PLA2G4A: variants seen among roughly 807,000 people sequenced by gnomAD.
PLA2G4A encodes cytosolic phospholipase A2.
PLA2G4A carries 40 observed loss-of-function variants against 81.9 expected under a neutral mutation model. The observed-to-expected ratio is 0.49, with a 90% CI of 0.38 to 0.64. PLA2G4A has a LOEUF of 0.64. Ranked by LOEUF, PLA2G4A falls within the 30% of genes least tolerant of loss-of-function variation. PLA2G4A has a pLI of 0.00. For synonymous variants in PLA2G4A, 302 were observed against 296.9 expected, an observed-to-expected ratio of 1.02 and a Z score of -0.18; for missense variants, 715 against 905.1, an observed-to-expected ratio of 0.79 and a Z score of 2.69.
intron 5 of PLA2G4A, among the ~76,000 whole-genome samples, chr1:186,906,397 A>G (rs1388614608): frequency 6.6e-6 from 1 of 152,228 alleles, no homozygotes; most frequent in African/African-American, 2.4e-5. Context: ...AATAAAAACC[A>G]GAGGCTCCAG....
intron 8 of PLA2G4A, among the ~76,000 whole-genome samples, chr1:186,933,184 AATAGAAGTGGAACAAC>A (rs1473219918): frequency 6.6e-6 from 1 of 152,144 alleles, no homozygotes; most frequent in East Asian, 1.9e-4. Flanking sequence ...TCTAGATAAA[AATAGAAGTGGAACAAC>A]ATACTCCACC....
Position 186,965,405 on chromosome 1 carries a change from T to C in PLA2G4A, c.1580-4T>C. ...CATTCTTGTTTTTCTTTTATGTTTT[T>C]AAGATCCTGATGAATTTGAGCGAAT... On this transcript the variant is annotated splice_region_variant and splice_polypyrimidine_tract_variant and intron_variant, in intron 14 of 17. Coordinates refer to ENST00000367466, the MANE Select transcript of PLA2G4A (RefSeq NM_024420.3). 6.3e-7 allele frequency: 1 copy of C among 1,577,998 alleles called. No individual in the cohort carries two copies. Among genetic ancestry groups the C allele is most frequent in the Non-Finnish European group, 8.7e-7 (1 of 1,147,172 alleles).
chr1:186,950,982 T>C (rs10489409), intron 13 of PLA2G4A, among the ~76,000 whole-genome samples: 16,294 of 152,218 alleles, frequency 0.11, 990 homozygotes, highest in Middle Eastern at 0.19. Context: ...AGATCCAAGA[T>C]GGTAGAAATG....
chr1:186,925,280 G>A (rs998070210), intron 7 of PLA2G4A, among the ~76,000 whole-genome samples: 2 of 152,086 alleles, frequency 1.3e-5, no homozygotes, highest in Non-Finnish European at 2.9e-5. Flanking sequence ...GTATAGAGAG[G>A]ACTTACATAT....
At chr1:186,954,096 G>A (rs1314918323) in intron 13 of PLA2G4A, among the ~76,000 whole-genome samples, 3 of 152,184 alleles carry the variant, frequency 2.0e-5, no homozygotes, top group Non-Finnish European at 4.4e-5. Flanking sequence ...AAATACCTGT[G>A]AAGATAAGGA....
At chr1:186,934,537 G>T in intron 8 of PLA2G4A, among the ~76,000 whole-genome samples, 1 of 146,176 alleles carries the variant, frequency 6.8e-6, no homozygotes, top group African/African-American at 2.5e-5. Context: ...TTAATTAAAA[G>T]GATTTTAAAT....
intron 3 of PLA2G4A, among the ~76,000 whole-genome samples, chr1:186,871,347 G>A (rs539678301): frequency 1.3e-5 from 2 of 152,268 alleles, no homozygotes; most frequent in Non-Finnish European, 1.5e-5. Flanking sequence ...AAAGTATTAT[G>A]ATGATGAATT....
At chr1:186,893,873 G>A (rs1654237000) in intron 4 of PLA2G4A, among the ~76,000 whole-genome samples, 1 of 145,482 alleles carries the variant, frequency 6.9e-6, no homozygotes, top group Admixed American at 7.1e-5. Context: ...GCAGTGAGCC[G>A]AGATCCCGCC....
At chr1:186,935,706 A>G (rs1655921561) in intron 8 of PLA2G4A, among the ~76,000 whole-genome samples, 5 of 151,934 alleles carry the variant, frequency 3.3e-5, no homozygotes, top group Admixed American at 3.3e-4. Context: ...GAGAAGGTAA[A>G]AAGTTCAAAG....
At chr1:186,888,846 T>A (rs1417799315) in intron 3 of PLA2G4A, among the ~76,000 whole-genome samples, 1 of 17,662 alleles carries the variant, frequency 5.7e-5, no homozygotes, top group Non-Finnish European at 8.9e-5. Flanking sequence ...TCTTGGAAAA[T>A]GGTTAAAAAA....
In PLA2G4A at chr1:186,950,722, C is replaced by T. The variant is rs1656528910; in HGVS notation, c.1330C>T (p.Pro444Ser). The part of the protein sequence containing the change: ...SSDSDDESHE[P>S]KGTENEDAGS... ...GGACAGTGATGATGAATCACACGAA[C>T]CCAAAGGTGAGTGAGCCGGAAACTT... The change falls in exon 13 of 18, where the codon CCC (proline) becomes TCC (serine). Residue 444 changes from proline to serine, a missense_variant. By Grantham distance (74) the Pro-to-Ser change is moderately conservative (BLOSUM62 -1). Transcript: ENST00000367466. 2 of 1,583,058 alleles carry T rather than the reference C, an allele frequency of 1.3e-6. No individual in the cohort carries two copies. The highest frequency in any genetic ancestry group is 1.7e-6 in the Non-Finnish European group (2 of 1,152,086).
intron 14 of PLA2G4A, among the ~76,000 whole-genome samples, chr1:186,960,749 T>C (rs891260250): frequency 2.6e-5 from 4 of 152,190 alleles, no homozygotes; most frequent in Non-Finnish European, 4.4e-5. Flanking sequence ...AATTTACTTA[T>C]AAAATAAAAA....
At chr1:186,928,624 T>C (rs1655633613) in intron 7 of PLA2G4A, among the ~76,000 whole-genome samples, 1 of 152,232 alleles carries the variant, frequency 6.6e-6, no homozygotes, top group Non-Finnish European at 1.5e-5. Flanking sequence ...CTCATCCTGT[T>C]GGTTCTGTTT....
chr1:186,983,900 A>G (rs546009328), intron 17 of PLA2G4A, among the ~76,000 whole-genome samples: 1 of 152,310 alleles, frequency 6.6e-6, no homozygotes, highest in South Asian at 2.1e-4. Context: ...AAGGGAAACG[A>G]TGGTATATAT....
Position 186,884,249 on chromosome 1 carries a change from C to T in PLA2G4A, c.116-8762C>T, listed in dbSNP as rs564600694. On this transcript the variant is annotated intron_variant, in intron 3 of 17. Transcript: ENST00000367466. ...GGAAAATTGAAGGACTACATCTAAT[C>T]CTCCCCCTTTTTTTTTTTTTTTTAG... 2.7e-5 allele frequency among the ~76,000 whole-genome samples: 4 copies of T among 148,984 alleles called. No homozygotes were observed. In the East Asian group the frequency reaches 8.0e-4, roughly 30 times the overall value.
At chr1:186,910,567 C>A (rs943286195) in intron 6 of PLA2G4A, among the ~76,000 whole-genome samples, 1 of 152,046 alleles carries the variant, frequency 6.6e-6, no homozygotes, top group African/African-American at 2.4e-5. Context: ...TGTAGTGATA[C>A]TCCCATCGTT....
chr1:186,954,299 A>G (rs555575405), intron 13 of PLA2G4A, among the ~76,000 whole-genome samples: 2 of 152,336 alleles, frequency 1.3e-5, no homozygotes, highest in Admixed American at 6.5e-5. Context: ...AGGAACATGC[A>G]TGAAGCTGGA....
intron 13 of PLA2G4A, among the ~76,000 whole-genome samples, chr1:186,955,328 GCT>G (rs1302595583): frequency 6.6e-6 from 1 of 152,096 alleles, no homozygotes; most frequent in East Asian, 1.9e-4. Flanking sequence ...GAATCCTTTA[GCT>G]CTCTCTCCTC....
intron 1 of PLA2G4A, among the ~76,000 whole-genome samples, chr1:186,841,696 G>A (rs1485208836): frequency 1.3e-5 from 2 of 152,124 alleles, no homozygotes; most frequent in Admixed American, 6.5e-5. Flanking sequence ...AGAGGTGAAA[G>A]AATGGAAAAT....
Sources: gnomAD v4.1 joint callset for allele counts (sites outside exome capture counted in the v4.1 genomes callset) on GRCh38, gnomAD v4.1.1 for gene constraint, MANE v1.5 for transcripts, NCBI Gene and HGNC (gene_info 2026-07-23, HGNC 2026-07-21) for gene names.